Variants in SCRG1 observed in about 807,000 individuals in gnomAD.
SCRG1 encodes the protein scrapie-responsive protein 1.
A neutral mutation model predicts 7.7 loss-of-function variants in SCRG1; 3 were observed. The observed-to-expected ratio is 0.39, with a 90% confidence interval of 0.18 to 1.01. SCRG1 has a LOEUF of 1.01. SCRG1 is among the 50% of genes least tolerant of loss of function. The pLI, the probability that SCRG1 is intolerant of heterozygous loss-of-function variation, is 0.36. For synonymous variants in SCRG1, 46 were observed against 41.2 expected (o/e 1.12, Z -0.44); for missense variants, 110 against 117.2 (o/e 0.94, Z 0.28).
chr4:173,502,195 T>C, the SCRG1 span, among the ~76,000 whole-genome samples: 1 of 139,612 alleles, frequency 7.2e-6, no homozygotes, highest in East Asian at 2.2e-4. This position sits in a 1 kb window ranked among gnomAD's most constrained non-coding sequence, Gnocchi z 4.6. Flanking sequence ...GGAAGAGATT[T>C]GGAATTCCCT....
intron 2 of SCRG1, chr4:173,389,817 C>T (rs1422245707): frequency 2.4e-6 from 1 of 411,936 alleles, no homozygotes; most frequent in African/African-American, 2.0e-5. Context: ...CAACTCTGCA[C>T]CTTTCCTTGG....
the SCRG1 span, among the ~76,000 whole-genome samples, chr4:173,415,457 G>A: frequency 3.1e-3 from 469 of 152,270 alleles, no homozygotes; most frequent in Non-Finnish European, 4.7e-3. Flanking sequence ...TGACAGCTCA[G>A]CATTTCTTGC....
chr4:173,454,073 G>A, the SCRG1 span, among the ~76,000 whole-genome samples: 93 of 96,858 alleles, frequency 9.6e-4, no homozygotes, highest in Admixed American at 1.5e-3. Flanking sequence ...ACGAGACTCC[G>A]TCTAAAAAAA....
chr4:173,492,494 G>C, the SCRG1 span, among the ~76,000 whole-genome samples: 1 of 152,092 alleles, frequency 6.6e-6, no homozygotes, highest in Non-Finnish European at 1.5e-5. Flanking sequence ...CAGGCATGAG[G>C]CACCCAAGCA....
At position 173,385,043 on chromosome 4, in the gene SCRG1, G is replaced by A. The variant is rs1739210036; in HGVS notation, c.*3298C>T. 6.6e-6 allele frequency: 1 copy of A among 152,110 alleles called. No homozygotes were observed. Among genetic ancestry groups the A allele is most frequent in the Non-Finnish European group, 1.5e-5 (1 of 68,012 alleles). 9.4% of individuals were successfully genotyped at this position (152,110 alleles called of 1,614,324 possible). ...ATTGCTCACTGATAATGTAAACTTA[G>A]ACAAACTACTTAATATCTTTAAACC... is the stretch of plus-strand genomic sequence containing the variant. On this transcript the variant is annotated 3_prime_UTR_variant, in exon 3 of 3. Coordinates refer to ENST00000296506, the MANE Select transcript of SCRG1 (RefSeq NM_007281.4).
At chr4:173,508,441 C>A in the SCRG1 span, among the ~76,000 whole-genome samples, 3 of 152,226 alleles carry the variant, frequency 2.0e-5, no homozygotes, top group Non-Finnish European at 4.4e-5. The surrounding 1 kb of genome is among the most constrained non-coding windows in gnomAD (Gnocchi z 4.4). Flanking sequence ...GTAACCGCCT[C>A]CCAGCACGCC....
chr4:173,475,441 A>T, the SCRG1 span, among the ~76,000 whole-genome samples: 7 of 152,220 alleles, frequency 4.6e-5, no homozygotes, highest in Admixed American at 4.6e-4. Flanking sequence ...CCCCTGTTAA[A>T]ACTTACTGGA....
the SCRG1 span, among the ~76,000 whole-genome samples, chr4:173,485,128 TCA>T: frequency 6.5e-4 from 10 of 15,332 alleles, no homozygotes; most frequent in African/African-American, 1.2e-3. Flanking sequence ...ATATAATATA[TCA>T]TATATATTAC....
At chr4:173,456,074 G>C in the SCRG1 span, among the ~76,000 whole-genome samples, 1 of 152,148 alleles carries the variant, frequency 6.6e-6, no homozygotes, top group Non-Finnish European at 1.5e-5. Context: ...GGTGGCTTAG[G>C]AGATATTGAC....
the SCRG1 span, among the ~76,000 whole-genome samples, chr4:173,465,635 T>A: frequency 6.6e-6 from 1 of 151,548 alleles, no homozygotes; most frequent in African/African-American, 2.4e-5. Flanking sequence ...TATACCTACA[T>A]ATATATATTT....
chr4:173,513,687 G>C, the SCRG1 span, among the ~76,000 whole-genome samples: 1 of 152,200 alleles, frequency 6.6e-6, no homozygotes, highest in Non-Finnish European at 1.5e-5. Context: ...ATTGTATTTG[G>C]TGTGAGGCTC....
chr4:173,515,586 CTG>C, the SCRG1 span, among the ~76,000 whole-genome samples: 2 of 150,668 alleles, frequency 1.3e-5, no homozygotes, highest in African/African-American at 4.9e-5. The surrounding 1 kb of genome is among the most constrained non-coding windows in gnomAD (Gnocchi z 4.6). Context: ...GTGTGTGTGT[CTG>C]TGTGTGTGTG....
chr4:173,418,446 G>A, the SCRG1 span, among the ~76,000 whole-genome samples: 1 of 152,146 alleles, frequency 6.6e-6, no homozygotes, highest in Non-Finnish European at 1.5e-5. Context: ...CAGAGTCACA[G>A]CTGACCCACA....
the SCRG1 span, among the ~76,000 whole-genome samples, chr4:173,482,283 G>A: frequency 1.3e-5 from 2 of 152,248 alleles, no homozygotes; most frequent in East Asian, 3.9e-4. Flanking sequence ...TCCTCATTTA[G>A]ATATATCCAT....
At chr4:173,435,211 G>A in the SCRG1 span, among the ~76,000 whole-genome samples, 1 of 152,054 alleles carries the variant, frequency 6.6e-6, no homozygotes, top group South Asian at 2.1e-4. Context: ...TGAGGAGCTA[G>A]GAGCAATACA....
chr4:173,386,011 T>C lies in SCRG1; in HGVS notation c.*2330A>G, dbSNP rs1739232795. On this transcript the variant is annotated 3_prime_UTR_variant, in exon 3 of 3. Transcript: ENST00000296506. ...AGAAAGAAAGGCCAATCAAATCACA[T>C]GCTATCTTGATAAAACAACTAATAT... 6.6e-6 allele frequency: 1 copy of C among 152,240 alleles called. No homozygotes were observed. Among genetic ancestry groups the C allele is most frequent in the African/African-American group, 2.4e-5 (1 of 41,460 alleles). The allele number at this position is 152,240 out of a possible 1,614,324, so 9.4% of individuals were successfully genotyped here.
rs1739442487 is a variant in SCRG1, at chr4:173,391,416, T to C, written c.-2A>G. Reference sequence around the variant, plus strand: ...GAAAACAAGTACCATCAGTTTCATTTTGGCTTTTGGCCCTGAAATAGAAGA... The same window carrying C: ...GAAAACAAGTACCATCAGTTTCATTCTGGCTTTTGGCCCTGAAATAGAAGA... On this transcript the variant is annotated 5_prime_UTR_variant, in exon 2 of 3. Transcript: ENST00000296506. 1 of 1,613,872 alleles carries C rather than the reference T, an allele frequency of 6.2e-7. No individual in the cohort carries two copies. Among genetic ancestry groups the C allele is most frequent in the Admixed American group, 1.7e-5 (1 of 59,996 alleles).
At chr4:173,409,011 A>AAAAG, upstream of SCRG1, among the ~76,000 whole-genome samples, 1 of 143,232 alleles carries the variant, frequency 7.0e-6, no homozygotes, top group Admixed American at 6.8e-5. Context: ...AAAAAAAAAA[A>AAAAG]AAAGAAAAGA....
the SCRG1 span, among the ~76,000 whole-genome samples, chr4:173,441,660 T>C: frequency 6.6e-6 from 1 of 152,232 alleles, no homozygotes; most frequent in Non-Finnish European, 1.5e-5. Context: ...TAAACCACTG[T>C]GCTAGATGTG....
Sources: gnomAD v4.1 joint callset for allele counts (sites outside exome capture counted in the v4.1 genomes callset) on GRCh38, gnomAD v4.1.1 for gene constraint, Gnocchi (gnomAD v3.1) non-coding constraint, MANE v1.5 for transcripts, NCBI Gene and HGNC (gene_info 2026-07-23, HGNC 2026-07-21) for gene names.